Variants in HSD17B12 observed in about 807,000 individuals in gnomAD.
The protein encoded by HSD17B12 is very-long-chain 3-oxoacyl-CoA reductase.
In HSD17B12, 32 loss-of-function variants were observed where a neutral mutation model predicts 39.3. That is an observed-to-expected ratio of 0.81 (90% CI 0.61 to 1.09). The LOEUF (loss-of-function observed/expected upper bound fraction) is 1.09, where lower values mean the gene tolerates loss of function less well. HSD17B12 is among the 50% of genes least tolerant of loss of function. The pLI is 0.00. For missense variants in HSD17B12, 342 were observed against 382.9 expected (o/e 0.89, Z 0.89); for synonymous variants, 150 against 146.7 (o/e 1.02, Z -0.16).
chr11:43,633,225 A>G, the HSD17B12 span, among the ~76,000 whole-genome samples: 1 of 152,194 alleles, frequency 6.6e-6, no homozygotes, highest in African/African-American at 2.4e-5. Flanking sequence ...ATGTAAATCA[A>G]TAAAATCACA....
At chr11:43,770,593 A>G (rs968786941) in intron 3 of HSD17B12, among the ~76,000 whole-genome samples, 3 of 152,156 alleles carry the variant, frequency 2.0e-5, no homozygotes, top group African/African-American at 7.2e-5. Context: ...AAAATCAGCC[A>G]GGCTTGATGG....
intron 9 of HSD17B12, chr11:43,853,716 G>C (rs936618455): frequency 6.6e-6 from 1 of 152,014 alleles, no homozygotes; most frequent in Non-Finnish European, 1.5e-5. Flanking sequence ...TTGAGCCCAA[G>C]AGCTCAAGGC....
At chr11:43,670,992 G>A in the HSD17B12 span, among the ~76,000 whole-genome samples, 1 of 152,076 alleles carries the variant, frequency 6.6e-6, no homozygotes, top group African/African-American at 2.4e-5. Context: ...TGTGGGTAAA[G>A]ATAACAAATC....
chr11:43,676,691 T>C (rs1218154397), upstream of HSD17B12, among the ~76,000 whole-genome samples: 2 of 152,218 alleles, frequency 1.3e-5, no homozygotes, highest in Non-Finnish European at 2.9e-5. Context: ...CACTTCTGTT[T>C]ATTTCTTAGA....
At chr11:43,836,767 A>G (rs1951375040) in intron 7 of HSD17B12, among the ~76,000 whole-genome samples, 1 of 152,168 alleles carries the variant, frequency 6.6e-6, no homozygotes. Context: ...TGAAAGGACT[A>G]GATATTCATT....
chr11:43,666,959 A>T, the HSD17B12 span, among the ~76,000 whole-genome samples: 2 of 152,240 alleles, frequency 1.3e-5, no homozygotes, highest in Non-Finnish European at 2.9e-5. Context: ...TACTGCTTTT[A>T]ATAACTTGCT....
At chr11:43,729,808 T>A (rs1173789713) in intron 1 of HSD17B12, among the ~76,000 whole-genome samples, 1 of 152,228 alleles carries the variant, frequency 6.6e-6, no homozygotes, top group African/African-American at 2.4e-5. Flanking sequence ...CTTTAACACT[T>A]CCACCTAAAG....
intron 6 of HSD17B12, among the ~76,000 whole-genome samples, chr11:43,821,899 A>G (rs182402186): frequency 3.8e-4 from 58 of 152,284 alleles, no homozygotes; most frequent in African/African-American, 1.4e-3. Flanking sequence ...TTCAGACTTC[A>G]AGAGACCCTA....
At chr11:43,654,686 G>A in the HSD17B12 span, among the ~76,000 whole-genome samples, 1 of 152,168 alleles carries the variant, frequency 6.6e-6, no homozygotes, top group Non-Finnish European at 1.5e-5. Context: ...TGTCAGGTTT[G>A]TCAAAGATCA....
chr11:43,675,811 A>G (rs943213304), upstream of HSD17B12, among the ~76,000 whole-genome samples: 3 of 152,172 alleles, frequency 2.0e-5, no homozygotes, highest in African/African-American at 7.2e-5. Context: ...TGTAATGGAA[A>G]GAAAAGAATC....
the HSD17B12 span, among the ~76,000 whole-genome samples, chr11:43,667,361 A>C: frequency 6.6e-6 from 1 of 152,156 alleles, no homozygotes; most frequent in African/African-American, 2.4e-5. Flanking sequence ...CATGTTGACC[A>C]GGCTGGTCTT....
intron 9 of HSD17B12, chr11:43,852,106 T>A (rs1486190410): frequency 1.3e-5 from 2 of 152,210 alleles, no homozygotes; most frequent in Non-Finnish European, 2.9e-5. Flanking sequence ...GAATTTACAT[T>A]TCTTAGCTGG....
At chr11:43,836,930 T>C (rs1951376774) in intron 7 of HSD17B12, among the ~76,000 whole-genome samples, 1 of 152,214 alleles carries the variant, frequency 6.6e-6, no homozygotes, top group Non-Finnish European at 1.5e-5. Context: ...TGACTACTTA[T>C]TTCCAACTTT....
the HSD17B12 span, among the ~76,000 whole-genome samples, chr11:43,573,978 A>G: frequency 6.6e-6 from 1 of 152,168 alleles, no homozygotes; most frequent in Non-Finnish European, 1.5e-5. Flanking sequence ...CCTCCCTCTC[A>G]TTGATATTTC....
chr11:43,793,711 C>CTCA (rs2135035943), intron 3 of HSD17B12, among the ~76,000 whole-genome samples: 1 of 152,234 alleles, frequency 6.6e-6, no homozygotes, highest in East Asian at 1.9e-4. Context: ...TTTGAGGGTT[C>CTCA]AGTTCCTTTT....
At chr11:43,759,036 G>A (rs2134961083) in intron 3 of HSD17B12, among the ~76,000 whole-genome samples, 1 of 152,292 alleles carries the variant, frequency 6.6e-6, no homozygotes, top group South Asian at 2.1e-4. Context: ...ACACAATTTA[G>A]TTTAACCAGG....
rs976675780 is a variant in HSD17B12 at position 43,784,271 on chromosome 11, G to T, written c.284-14049G>T. On this transcript the variant is annotated intron_variant, in intron 3 of 10. Coordinates refer to ENST00000278353, the MANE Select transcript of HSD17B12 (RefSeq NM_016142.3). Reference sequence around the variant, plus strand: ...TTTCATACAATGTCTGGAATTTACAGATAACACAAGTAGTTTAGGTCAGGG... The same window carrying T: ...TTTCATACAATGTCTGGAATTTACATATAACACAAGTAGTTTAGGTCAGGG... 7.3e-5 allele frequency among the ~76,000 whole-genome samples: 11 copies of T among 150,956 alleles called. No homozygotes were observed. In the South Asian group the frequency reaches 2.1e-3, roughly 29 times the overall value.
intron 9 of HSD17B12, chr11:43,848,341 T>C (rs1183577893): frequency 2.0e-5 from 3 of 152,212 alleles, no homozygotes; most frequent in Admixed American, 2.0e-4. Flanking sequence ...ACAACAGTGT[T>C]GTACCACAAG....
intron 6 of HSD17B12, among the ~76,000 whole-genome samples, chr11:43,821,894 A>T (rs1476851491): frequency 1.3e-5 from 2 of 152,166 alleles, no homozygotes; most frequent in East Asian, 1.9e-4. Flanking sequence ...CAATTTTCAG[A>T]CTTCAAGAGA....
Sources: gnomAD v4.1 joint callset for allele counts (sites outside exome capture counted in the v4.1 genomes callset) on GRCh38, gnomAD v4.1.1 for gene constraint, MANE v1.5 for transcripts, NCBI Gene and HGNC (gene_info 2026-07-23, HGNC 2026-07-21) for gene names.